The following SPATS2 variants were observed in gnomAD, a reference collection of about 807,000 sequenced individuals.
SPATS2 encodes spermatogenesis associated serine rich 2, also known as spermatogenesis-associated serine-rich protein 2.
Under a neutral mutation model 63.7 loss-of-function variants are expected in SPATS2, and 38 were observed. The observed-to-expected ratio is 0.60, with a 90% confidence interval of 0.46 to 0.78. The LOEUF is 0.78. Ranked by LOEUF, SPATS2 falls within the 30% of genes least tolerant of loss-of-function variation. The pLI is 0.00. For synonymous variants in SPATS2, 207 were observed against 232.9 expected (o/e 0.89, Z 1.01); for missense variants, 588 against 666.2 (o/e 0.88, Z 1.29).
intron 9 of SPATS2, among the ~76,000 whole-genome samples, chr12:49,510,374 CA>C (rs1227535662): frequency 6.6e-6 from 1 of 151,130 alleles, no homozygotes; most frequent in African/African-American, 2.4e-5. Flanking sequence ...CCAGCCTGGG[CA>C]ACATGGTGAA....
At chr12:49,436,531 C>A (rs1425827794) in intron 2 of SPATS2, among the ~76,000 whole-genome samples, 1 of 121,726 alleles carries the variant, frequency 8.2e-6, no homozygotes, top group Non-Finnish European at 1.8e-5. Flanking sequence ...GGGGGCTGAC[C>A]CCCCCGCCTC....
intron 2 of SPATS2, among the ~76,000 whole-genome samples, chr12:49,413,781 T>C (rs1565709822): frequency 1.3e-5 from 2 of 151,882 alleles, no homozygotes; most frequent in Non-Finnish European, 2.9e-5. Flanking sequence ...ACCTGTGAAC[T>C]AAACAGACAG....
Position 49,465,717 on chromosome 12 carries a change from G to A in SPATS2, c.25+4680G>A, listed in dbSNP as rs560261253. Among the ~76,000 whole-genome samples, 43 of 152,320 alleles carry A rather than the reference G, an allele frequency of 2.8e-4. No individual in the cohort carries two copies. In the South Asian group the frequency reaches 8.7e-3, roughly 31 times the overall value. On this transcript the variant is annotated intron_variant, in intron 3 of 13. Transcript: ENST00000552918. ...CCAGCACTTTGGGAGGCCAAGGCAG[G>A]TGGATCACCTGAGGTCAGGAGTTCA...
Position 49,460,879 on chromosome 12 carries a change from C to T in SPATS2, c.-134C>T. 2 of 854,554 alleles carry T rather than the reference C, an allele frequency of 2.3e-6. No individual in the cohort carries two copies. Among genetic ancestry groups the T allele is most frequent in the Non-Finnish European group, 3.8e-6 (2 of 532,310 alleles). 52.9% of individuals were successfully genotyped at this position (854,554 alleles called of 1,614,324 possible). A position where few individuals can be genotyped will look rare whatever the true frequency, so the allele number is the denominator to read the frequency against. On this transcript the variant is annotated 5_prime_UTR_variant, in exon 3 of 14. It introduces an in-frame stop codon into an upstream open reading frame of the 5' UTR. Transcript: ENST00000552918. ...AGCTAGTGAGCAGAATTTCGAACAG[C>T]AGGATTTCGTATTTTTTGCTTCCAA...
In SPATS2 at chr12:49,461,040, A is replaced by G; in HGVS notation, c.25+3A>G. The G allele has an allele frequency of 1.2e-6, 2 of 1,613,928 alleles. No homozygotes were observed. The highest frequency in any genetic ancestry group is 1.1e-5 in the South Asian group (1 of 91,014). On this transcript the variant is annotated splice_donor_region_variant and intron_variant, in intron 3 of 13. Coordinates refer to ENST00000552918, the MANE Select transcript of SPATS2 (RefSeq NM_023071.4). ...GTCCAGGAAACAGAACCAGAAGGGT[A>G]AGATTACATGTGGGCATAAATTGTT...
chr12:49,462,703 G>T (rs1449215331), intron 3 of SPATS2: 6 of 538,148 alleles, frequency 1.1e-5, no homozygotes, highest in Admixed American at 3.4e-5. Flanking sequence ...AAAAGGGGTT[G>T]GTGGGGTGCG....
At chr12:49,453,856 CTTTT>C (rs869155580) in intron 2 of SPATS2, among the ~76,000 whole-genome samples, 35 of 76,196 alleles carry the variant, frequency 4.6e-4, no homozygotes, top group Non-Finnish European at 6.9e-4. Context: ...AAATAGCATT[CTTTT>C]TTTTTTTTTT....
chr12:49,434,797 C>T (rs1473045070), intron 2 of SPATS2, among the ~76,000 whole-genome samples: 1 of 151,976 alleles, frequency 6.6e-6, no homozygotes, highest in Admixed American at 6.6e-5. Flanking sequence ...GGTACTAATC[C>T]CAGACTGACA....
chr12:49,480,317 A>G (rs937281582), intron 3 of SPATS2, among the ~76,000 whole-genome samples: 1 of 152,194 alleles, frequency 6.6e-6, no homozygotes, highest in Non-Finnish European at 1.5e-5. Context: ...CTGTGTGTTC[A>G]TATTAGCTCT....
chr12:49,495,135 T>C, intron 7 of SPATS2, 133 bp downstream of exon 7: 1 of 953,118 alleles, frequency 1.0e-6, no homozygotes, highest in Admixed American at 3.7e-5. Flanking sequence ...TTTTACTTTT[T>C]AGTTTTTGTT....
Position 49,514,574 on chromosome 12 carries a change from G to A in SPATS2, c.859G>A (p.Ala287Thr). ...TCCTAGTTTAATGGATCGAGAAGTG[G>A]CGTTGCTTGCTGAAATGGACAAAGT... Reference protein sequence around the residue: ...LESCLMDREVALLAEMDKVKA... With the variant: ...LESCLMDREVTLLAEMDKVKA... The change falls in exon 10 of 14, where the codon GCG becomes ACG. Residue 287 changes from alanine (A) to threonine (T), a missense_variant. Physicochemically the swap from Ala to Thr is moderately conservative, Grantham distance 58. Transcript: ENST00000552918. 2 of 1,613,344 alleles carry A rather than the reference G, an allele frequency of 1.2e-6. No homozygotes were observed. Among genetic ancestry groups the A allele is most frequent in the Non-Finnish European group, 1.7e-6 (2 of 1,179,660 alleles).
At chr12:49,490,609 G>A in intron 5 of SPATS2, 73 bp from the exon 6 acceptor site, 1 of 1,372,258 alleles carries the variant, frequency 7.3e-7, no homozygotes, top group Non-Finnish European at 1.0e-6. Context: ...TTACAAAATG[G>A]GAGGACACTG....
Position 49,408,552 on chromosome 12 carries a change from C to CTTTT in SPATS2, c.-244+37280_-244+37283dup, listed in dbSNP as rs772842153. Among the ~76,000 whole-genome samples the CTTTT allele has an allele frequency of 4.3e-5, 5 of 116,058 alleles. 1 individual carries two copies. Among genetic ancestry groups the CTTTT allele is most frequent in the African/African-American group, 1.0e-4 (3 of 29,738 alleles). 76.1% of individuals were successfully genotyped at this position (116,058 alleles called of 152,430 possible). On this transcript the variant is annotated intron_variant, in intron 2 of 13. Coordinates refer to ENST00000552918, the MANE Select transcript of SPATS2 (RefSeq NM_023071.4). ...ACAGGCTTGAGCCACTGTGCCTGGC[C>CTTTT]TTTTTTTTTTTTTTTTTTTTTGAGA...
chr12:49,383,511 A>G (rs1196996306), intron 2 of SPATS2, among the ~76,000 whole-genome samples: 1 of 152,026 alleles, frequency 6.6e-6, no homozygotes, highest in East Asian at 1.9e-4. Flanking sequence ...CACAGGCTCA[A>G]GTGATCCTCC....
intron 2 of SPATS2, among the ~76,000 whole-genome samples, chr12:49,424,890 G>A (rs1945045350): frequency 6.6e-6 from 1 of 152,112 alleles, no homozygotes; most frequent in Non-Finnish European, 1.5e-5. Context: ...GTGTTGGCCA[G>A]GATGGTCTGG....
At chr12:49,380,705 CA>C (rs375474971) in intron 2 of SPATS2, among the ~76,000 whole-genome samples, 7 of 145,354 alleles carry the variant, frequency 4.8e-5, no homozygotes, top group East Asian at 4.0e-4. Context: ...GACTCTGCCT[CA>C]AAAAAAAAAT....
intron 2 of SPATS2, among the ~76,000 whole-genome samples, chr12:49,428,525 G>A (rs1236615670): frequency 6.6e-6 from 1 of 152,172 alleles, no homozygotes; most frequent in African/African-American, 2.4e-5. Context: ...GAATGATATA[G>A]TATTTGTTTC....
chr12:49,436,909 G>T (rs1010429067), intron 2 of SPATS2, among the ~76,000 whole-genome samples: 1 of 146,746 alleles, frequency 6.8e-6, no homozygotes, highest in Admixed American at 6.7e-5. Flanking sequence ...CGGGCGGGGG[G>T]ATGACCCCCC....
At chr12:49,405,227 T>G (rs1944673979) in intron 2 of SPATS2, among the ~76,000 whole-genome samples, 1 of 152,172 alleles carries the variant, frequency 6.6e-6, no homozygotes, top group African/African-American at 2.4e-5. Flanking sequence ...TTTACATATT[T>G]ATATATAATC....
Sources: allele counts gnomAD v4.1 joint callset (sites outside exome capture counted in the v4.1 genomes callset), GRCh38; gene constraint gnomAD v4.1.1; transcripts MANE v1.5; gene names NCBI Gene and HGNC (gene_info 2026-07-23, HGNC 2026-07-21).